The following GSE1 variants were observed in gnomAD, a reference collection of about 807,000 sequenced individuals.
GSE1 encodes genetic suppressor element 1.
Under a neutral mutation model 112.6 loss-of-function variants are expected in GSE1, and 32 were observed. The observed-to-expected ratio is 0.28, with a 90% CI of 0.21 to 0.38. The LOEUF is 0.38. Among genes scored for constraint, GSE1 ranks in the 10% least tolerant of loss-of-function variants. GSE1 has a pLI of 1.00. For synonymous variants in GSE1, 1,115 were observed against 735.6 expected (o/e 1.52, Z -8.35); for missense variants, 2,348 against 1,699.2 (o/e 1.38, Z -6.71).
At chr16:85,197,607 G>A (rs1036901824) in intron 1 of GSE1, among the ~76,000 whole-genome samples, 3 of 152,200 alleles carry the variant, frequency 2.0e-5, no homozygotes, top group African/African-American at 4.8e-5. Flanking sequence ...AGTCACAAGA[G>A]CGCTGGCCTC....
chr16:85,645,786 G>A (rs991856890), intron 2 of GSE1, among the ~76,000 whole-genome samples: 2 of 152,230 alleles, frequency 1.3e-5, no homozygotes, highest in Non-Finnish European at 2.9e-5. Flanking sequence ...TCCTCCTTCT[G>A]GAAAGGGCAT....
rs115920020 is a variant in GSE1 at position 85,437,587 on chromosome 16, C to A, written c.2464+79944C>A. On this transcript the variant is annotated intron_variant, in intron 2 of 2. Transcript: ENST00000637419. Reference sequence around the variant, plus strand: ...GGACGAGGAGGGGCAGCCACATGCTCGGGGGATTGGGATCGGAGACCAGGA... The same window carrying A: ...GGACGAGGAGGGGCAGCCACATGCTAGGGGGATTGGGATCGGAGACCAGGA... Among the ~76,000 whole-genome samples, 1,219 of 152,132 alleles carry A rather than the reference C, an allele frequency of 8.0e-3. 19 individuals carry two copies. Among genetic ancestry groups the A allele is most frequent in the African/African-American group, 0.028 (1,169 of 41,498 alleles).
chr16:85,310,457 C>T (rs1438046441), intron 1 of GSE1, among the ~76,000 whole-genome samples: 1 of 152,092 alleles, frequency 6.6e-6, no homozygotes, highest in Non-Finnish European at 1.5e-5. Flanking sequence ...CGGTTCCTTC[C>T]TGTTTTCCTC....
chr16:85,475,888 C>T (rs1280114991), intron 2 of GSE1, among the ~76,000 whole-genome samples: 1 of 151,422 alleles, frequency 6.6e-6, no homozygotes, highest in Non-Finnish European at 1.5e-5. Context: ...CCTCCCTAAG[C>T]GCTAGCATTA....
In GSE1 at chr16:85,675,122, T is replaced by A. The variant is rs1001926568; in HGVS notation, c.*2583T>A. The A allele has an allele frequency of 2.6e-5, 4 of 151,986 alleles. No individual in the cohort carries two copies. The highest frequency in any genetic ancestry group is 5.9e-5 in the Non-Finnish European group (4 of 68,008). 9.4% of individuals were successfully genotyped at this position (151,986 alleles called of 1,614,324 possible). A position where few individuals can be genotyped will look rare whatever the true frequency, so the allele number is the denominator to read the frequency against. ...AGAACACAGTAGCACCTAAATCTGT[T>A]TTCAATTGGGCTTAAAAATTGACAT... On this transcript the variant is annotated 3_prime_UTR_variant, in exon 16 of 16. Transcript: ENST00000253458.
At chr16:85,305,606 G>A (rs531034159) in intron 1 of GSE1, among the ~76,000 whole-genome samples, 17 of 152,084 alleles carry the variant, frequency 1.1e-4, no homozygotes, top group African/African-American at 9.6e-5. Flanking sequence ...TCAGCCTCCC[G>A]AGTAGCTGGG....
intron 2 of GSE1, among the ~76,000 whole-genome samples, chr16:85,645,519 G>A (rs2050780520): frequency 6.6e-6 from 1 of 152,172 alleles, no homozygotes; most frequent in Non-Finnish European, 1.5e-5. Flanking sequence ...CCACCCCAAG[G>A]GAGCACCTTT....
At chr16:85,624,136 C>T (rs1023831890) in intron 1 of GSE1, among the ~76,000 whole-genome samples, 1 of 152,208 alleles carries the variant, frequency 6.6e-6, no homozygotes, top group Non-Finnish European at 1.5e-5. Context: ...GCCCCCCGGC[C>T]GCCACCCGCC....
chr16:85,646,752 C>T (rs530012889), intron 2 of GSE1, among the ~76,000 whole-genome samples: 4 of 152,250 alleles, frequency 2.6e-5, no homozygotes, highest in Admixed American at 6.5e-5. Flanking sequence ...CCGTGCACCC[C>T]CTGGGCTTCG....
At chr16:85,172,923 G>A (rs114380117) in intron 1 of GSE1, among the ~76,000 whole-genome samples, 273 of 152,310 alleles carry the variant, frequency 1.8e-3, no homozygotes, top group African/African-American at 6.0e-3. Context: ...CCTCTCCCCC[G>A]ATACGCGGCC....
chr16:85,362,305 G>A (rs1165893940), intron 2 of GSE1, among the ~76,000 whole-genome samples: 1 of 152,182 alleles, frequency 6.6e-6, no homozygotes, highest in East Asian at 1.9e-4. Context: ...ATGTGCCATC[G>A]CATGCAGTAT....
rs998417268 is a variant in GSE1 at position 85,228,339 on chromosome 16, A to G, written c.2283+56532A>G. Among the ~76,000 whole-genome samples, 10 of 152,116 alleles carry G rather than the reference A, an allele frequency of 6.6e-5. No individual in the cohort carries two copies. In the East Asian group the frequency reaches 1.4e-3, roughly 21 times the overall value. ...TTTTTGAGCAGAGGAGGTTGTCCACACTGCTTGTGGCCAGCAGCGTACAGG... is the reference window on the plus strand; with the variant it reads ...TTTTTGAGCAGAGGAGGTTGTCCACGCTGCTTGTGGCCAGCAGCGTACAGG... On this transcript the variant is annotated intron_variant, in intron 1 of 2. Transcript: ENST00000637419.
At chr16:85,607,187 G>A (rs1017453427), upstream of GSE1, among the ~76,000 whole-genome samples, 2 of 152,128 alleles carry the variant, frequency 1.3e-5, no homozygotes, top group African/African-American at 4.8e-5. Context: ...GGGTCAGGGA[G>A]CCCAGGTCAT....
intron 13 of GSE1, among the ~76,000 whole-genome samples, chr16:85,667,025 G>A (rs1027041453): frequency 1.3e-5 from 2 of 152,246 alleles, no homozygotes; most frequent in Non-Finnish European, 2.9e-5. Flanking sequence ...GTGATACGCA[G>A]ATACTATGCC....
chr16:85,273,265 A>T (rs1287027030), intron 1 of GSE1, among the ~76,000 whole-genome samples: 1 of 152,068 alleles, frequency 6.6e-6, no homozygotes, highest in Non-Finnish European at 1.5e-5. Context: ...AGTCAGCGCA[A>T]CATCCACTTA....
chr16:85,259,508 G>T (rs931438317), intron 1 of GSE1, among the ~76,000 whole-genome samples: 3 of 152,254 alleles, frequency 2.0e-5, no homozygotes, highest in Non-Finnish European at 2.9e-5. Flanking sequence ...GGCCCTCACG[G>T]CCGGCTTGTT....
At chr16:85,603,346 C>A (rs1045576439) in intron 1 of GSE1, among the ~76,000 whole-genome samples, 1 of 152,162 alleles carries the variant, frequency 6.6e-6, no homozygotes, top group Non-Finnish European at 1.5e-5. Flanking sequence ...TGGCTTCGCT[C>A]GTGACTCTGC....
chr16:85,206,531 C>G (rs1013629407), intron 1 of GSE1, among the ~76,000 whole-genome samples: 13 of 152,250 alleles, frequency 8.5e-5, no homozygotes, highest in African/African-American at 2.6e-4. Flanking sequence ...CCAGGAACCC[C>G]CAGGTTTTCC....
intron 1 of GSE1, among the ~76,000 whole-genome samples, chr16:85,301,845 G>A (rs2045535514): frequency 6.6e-6 from 1 of 152,226 alleles, no homozygotes. Flanking sequence ...GATGAGCACA[G>A]CCAGGAACCC....
Sources: gnomAD v4.1 joint callset for allele counts (sites outside exome capture counted in the v4.1 genomes callset) on GRCh38, gnomAD v4.1.1 for gene constraint, MANE v1.5 for transcripts, NCBI Gene and HGNC (gene_info 2026-07-23, HGNC 2026-07-21) for gene names.